Variants in PDE4A observed in about 807,000 individuals in gnomAD.
PDE4A encodes phosphodiesterase 4A, also known as 3',5'-cyclic-AMP phosphodiesterase 4A.
A neutral mutation model predicts 73.9 loss-of-function variants in PDE4A; 21 were observed. The observed-to-expected ratio is 0.28, with a 90% confidence interval of 0.20 to 0.41. The LOEUF is 0.41. Among genes scored for constraint, PDE4A ranks in the 10% least tolerant of loss-of-function variants. The pLI, the probability that PDE4A is intolerant of heterozygous loss-of-function variation, is 1.00. For missense variants in PDE4A, 958 were observed against 1,211.4 expected, an observed-to-expected ratio of 0.79 and a Z score of 3.10; for synonymous variants, 463 against 505.4, an observed-to-expected ratio of 0.92 and a Z score of 1.13.
chr19:10,419,200 G>A, upstream of PDE4A: 2 of 193,332 alleles, frequency 1.0e-5, no homozygotes, highest in Non-Finnish European at 8.2e-6. Context: ...CAGCAGAGCA[G>A]TTTCGCGTTC....
intron 10 of PDE4A, 61 bp downstream of exon 10, chr19:10,459,820 C>G: frequency 6.5e-7 from 1 of 1,531,284 alleles, no homozygotes; most frequent in Non-Finnish European, 8.9e-7. Context: ...TCTTCAGCCT[C>G]CTGTGTGTCT....
chr19:10,422,108 G>T (rs945627551), intron 1 of PDE4A, among the ~76,000 whole-genome samples: 2 of 152,146 alleles, frequency 1.3e-5, no homozygotes, highest in Non-Finnish European at 2.9e-5. Flanking sequence ...TGCAGTGATT[G>T]GGATAGAGTG....
intron 1 of PDE4A, among the ~76,000 whole-genome samples, chr19:10,436,269 T>C (rs982342234): frequency 5.3e-5 from 8 of 152,074 alleles, no homozygotes; most frequent in African/African-American, 1.9e-4. Context: ...ACAGGACTTA[T>C]ATGTTGCCAG....
chr19:10,437,234 C>T (rs2042877092), intron 1 of PDE4A, among the ~76,000 whole-genome samples: 1 of 151,968 alleles, frequency 6.6e-6, no homozygotes, highest in Admixed American at 6.6e-5. Context: ...AGTGATTCTC[C>T]TGCCTCAGCC....
intron 1 of PDE4A, among the ~76,000 whole-genome samples, chr19:10,442,307 T>C (rs1459935886): frequency 3.3e-5 from 5 of 152,082 alleles, no homozygotes; most frequent in Admixed American, 6.6e-5. Context: ...GCAGATCACT[T>C]GAGGCCAGGT....
chr19:10,419,167 A>G, upstream of PDE4A: 1 of 791,016 alleles, frequency 1.3e-6, no homozygotes, highest in Non-Finnish European at 1.5e-6. Context: ...GCACGGGGGC[A>G]GGGGTCTGGT....
At chr19:10,434,891 T>A (rs2042844401) in intron 1 of PDE4A, among the ~76,000 whole-genome samples, 1 of 141,898 alleles carries the variant, frequency 7.0e-6, no homozygotes, top group Non-Finnish European at 1.6e-5. Flanking sequence ...GTGCCCAGCT[T>A]TTTTTTTTTT....
At position 10,424,738 on chromosome 19, in the gene PDE4A, G is replaced by A. The variant is rs919762063; in HGVS notation, c.320+3654G>A. Among the ~76,000 whole-genome samples, 7 of 152,262 alleles carry A rather than the reference G, an allele frequency of 4.6e-5. No individual in the cohort carries two copies. The highest frequency in any genetic ancestry group is 1.7e-4 in the African/African-American group (7 of 41,470). On this transcript the variant is annotated intron_variant, in intron 1 of 14. Transcript: ENST00000380702. The surrounding 1 kb of genome is among the most constrained non-coding windows in gnomAD (Gnocchi z 4.8). The stretch of plus-strand genomic sequence containing the variant: ...TGCGCCAGCCCCTGCCACACGCTGC[G>A]GGGACTGTCGTCTGGAGGACAGGGA...
Position 10,459,387 on chromosome 19 carries a change from C to T in PDE4A, c.1102-13C>T, listed in dbSNP as rs1482119997. ...CTTACAGGCTTCTGACCTCTGGCCT[C>T]CGTCTCCACCAGGAACTGGAGAACC... On this transcript the variant is annotated splice_polypyrimidine_tract_variant and intron_variant, in intron 8 of 14. Coordinates refer to ENST00000380702, the MANE Select transcript of PDE4A (RefSeq NM_001111307.2). The T allele has an allele frequency of 6.2e-7, 1 of 1,614,094 alleles. No individual in the cohort carries two copies. The highest frequency in any genetic ancestry group is 8.5e-7 in the Non-Finnish European group (1 of 1,180,054).
chr19:10,464,111 T>A lies in PDE4A; in HGVS notation c.1926+136T>A, dbSNP rs1355545416. 7.5e-6 allele frequency: 9 copies of A among 1,205,068 alleles called. No homozygotes were observed. In the African/African-American group the frequency reaches 1.2e-4, roughly 16 times the overall value. The allele number at this position is 1,205,068 out of a possible 1,614,324, so 74.6% of individuals were successfully genotyped here. ...TTGTCCTGTTTTTGGTTTTGTTTTG[T>A]TTTTGAGACGGAGTCTCATTCTATT... On this transcript the variant is annotated intron_variant, in intron 14 of 14. Coordinates refer to ENST00000380702, the MANE Select transcript of PDE4A (RefSeq NM_001111307.2).
chr19:10,425,771 A>G (rs538650652), intron 1 of PDE4A, among the ~76,000 whole-genome samples: 1 of 152,094 alleles, frequency 6.6e-6, no homozygotes, highest in Admixed American at 6.5e-5. Context: ...GGATTATTTG[A>G]GGTCAGGAAA....
At chr19:10,440,450 G>A (rs1446131174) in intron 1 of PDE4A, among the ~76,000 whole-genome samples, 1 of 151,988 alleles carries the variant, frequency 6.6e-6, no homozygotes, top group Admixed American at 6.6e-5. Context: ...TTGAGACAGG[G>A]TCTCACTCTG....
chr19:10,432,802 AGGACCCGTCACCCTC>A (rs1249383866), intron 1 of PDE4A, among the ~76,000 whole-genome samples: 1 of 152,142 alleles, frequency 6.6e-6, no homozygotes, highest in Non-Finnish European at 1.5e-5. Context: ...TATCCAAGGT[AGGACCCGTCACCCTC>A]TTTGTGTCCT....
At chr19:10,421,288 G>C (rs917762003) in intron 1 of PDE4A, 4 of 985,300 alleles carry the variant, frequency 4.1e-6, no homozygotes, top group Non-Finnish European at 4.8e-6. Context: ...GCCCATCCTG[G>C]GGTCCATTTA....
chr19:10,457,909 C>T lies in PDE4A; in HGVS notation c.908C>T (p.Pro303Leu), dbSNP rs200358159. 6.2e-7 allele frequency: 1 copy of T among 1,612,410 alleles called. No homozygotes were observed. Among genetic ancestry groups the T allele is most frequent in the Non-Finnish European group, 8.5e-7 (1 of 1,180,000 alleles). ...DKQNEVEIPS[P>L]TMKEREKQQA... is the part of the protein sequence containing the mutation. Reference sequence around the variant, plus strand: ...CAGAATGAAGTGGAGATCCCATCACCCACGATGAAGGAACGAGAAAAACAG... The same window carrying T: ...CAGAATGAAGTGGAGATCCCATCACTCACGATGAAGGAACGAGAAAAACAG... Residue 303 changes from proline (P) to leucine (L), a missense_variant, in exon 8 of 15, where the codon CCC (proline) becomes CTC (leucine). Around this residue, in one of 3 missense-constraint regions of PDE4A, gnomAD observed 570 missense variants for 827.7 expected, o/e 0.69. Transcript: ENST00000380702.
intron 1 of PDE4A, among the ~76,000 whole-genome samples, chr19:10,421,997 G>C (rs1306533514): frequency 1.3e-5 from 2 of 152,158 alleles, no homozygotes; most frequent in Non-Finnish European, 2.9e-5. Context: ...TGTATTTCCA[G>C]GGTAGTGTGA....
At chr19:10,422,653 C>A (rs910766349) in intron 1 of PDE4A, among the ~76,000 whole-genome samples, 1 of 152,084 alleles carries the variant, frequency 6.6e-6, no homozygotes, top group Non-Finnish European at 1.5e-5. Context: ...GTCATTGCAG[C>A]CCTCCAGGCC....
intron 6 of PDE4A, among the ~76,000 whole-genome samples, chr19:10,454,201 C>T (rs761608229): frequency 2.0e-5 from 3 of 152,238 alleles, no homozygotes; most frequent in African/African-American, 7.2e-5. Flanking sequence ...CTCCCCCTCC[C>T]CTGGGTGATC....
At chr19:10,462,917 G>T (rs955821204) in intron 13 of PDE4A, among the ~76,000 whole-genome samples, 3 of 152,118 alleles carry the variant, frequency 2.0e-5, no homozygotes, top group African/African-American at 7.2e-5. Flanking sequence ...CTGAAAGCTG[G>T]GTGTGGTGGC....
Sources: allele counts gnomAD v4.1 joint callset (sites outside exome capture counted in the v4.1 genomes callset), GRCh38; gene constraint gnomAD v4.1.1; regional missense constraint gnomAD v4.1.1; non-coding constraint Gnocchi (gnomAD v3.1); transcripts MANE v1.5; gene names NCBI Gene and HGNC (gene_info 2026-07-23, HGNC 2026-07-21).